RALGPS2: variants seen among roughly 807,000 people sequenced by gnomAD.
RALGPS2 encodes the protein ras-specific guanine nucleotide-releasing factor RalGPS2.
RALGPS2 carries 43 observed loss-of-function variants against 86.8 expected under a neutral mutation model. That is an observed-to-expected ratio of 0.50 (90% CI 0.39 to 0.64). The LOEUF (loss-of-function observed/expected upper bound fraction) is 0.64, where lower values mean the gene tolerates loss of function less well. Among genes scored for constraint, RALGPS2 ranks in the 30% least tolerant of loss-of-function variants. The probability of loss-of-function intolerance (pLI) is 0.00; values close to 1 mark genes in which losing one functional copy is unlikely to be tolerated. For missense variants in RALGPS2, 536 were observed against 694.6 expected (o/e 0.77, Z 2.57); for synonymous variants, 243 against 231.3 (o/e 1.05, Z -0.46).
At chr1:178,890,548 G>A (rs1220862444) in intron 14 of RALGPS2, among the ~76,000 whole-genome samples, 3 of 151,848 alleles carry the variant, frequency 2.0e-5, no homozygotes, top group Admixed American at 6.6e-5. Context: ...TTGAAAATGT[G>A]TAATTGCATA....
At chr1:178,797,524 A>G (rs75619643) in intron 4 of RALGPS2, among the ~76,000 whole-genome samples, 3,774 of 152,180 alleles carry the variant, frequency 0.025, 151 homozygotes, top group African/African-American at 0.086. Context: ...TTATTTTGAC[A>G]TAATAGATTC....
At position 178,809,074 on chromosome 1, in the gene RALGPS2, T is replaced by G. The variant is rs1654865151; in HGVS notation, c.297+946T>G. Among the ~76,000 whole-genome samples the G allele has an allele frequency of 2.0e-5, 3 of 152,150 alleles. No homozygotes were observed. In the South Asian group the frequency reaches 6.2e-4, roughly 32 times the overall value. On this transcript the variant is annotated intron_variant, in intron 5 of 19. Transcript: ENST00000367635. ...TATGTTGCCCAAGCTGGTCTCGAACTCCTGGCCTCAAGCGATCCTCCTGCC... is the reference window on the plus strand; with the variant it reads ...TATGTTGCCCAAGCTGGTCTCGAACGCCTGGCCTCAAGCGATCCTCCTGCC...
At chr1:178,841,690 A>T (rs1420302492) in intron 8 of RALGPS2, among the ~76,000 whole-genome samples, 12 of 80,656 alleles carry the variant, frequency 1.5e-4, no homozygotes, top group African/African-American at 6.3e-4. Context: ...GTATTCAATT[A>T]GGAAAAGAGG....
chr1:178,845,302 C>T (rs1234485422), intron 8 of RALGPS2, among the ~76,000 whole-genome samples: 1 of 152,016 alleles, frequency 6.6e-6, no homozygotes, highest in East Asian at 1.9e-4. Context: ...GACTTCTTCC[C>T]CTTCCCCATT....
intron 1 of RALGPS2, among the ~76,000 whole-genome samples, chr1:178,765,106 A>G (rs1305520744): frequency 6.6e-6 from 1 of 151,576 alleles, no homozygotes; most frequent in African/African-American, 2.4e-5. Context: ...AGCCTGTACA[A>G]CCAGAGCCGA....
chr1:178,891,792 CT>C (rs1369505370), intron 14 of RALGPS2, among the ~76,000 whole-genome samples: 3 of 151,906 alleles, frequency 2.0e-5, no homozygotes, highest in African/African-American at 7.2e-5. Flanking sequence ...AGCCACATTG[CT>C]TTTAGGTGTC....
chr1:178,743,315 T>A (rs991016167), intron 1 of RALGPS2, among the ~76,000 whole-genome samples: 1 of 152,122 alleles, frequency 6.6e-6, no homozygotes, highest in Non-Finnish European at 1.5e-5. Context: ...AGATCTCAAA[T>A]CATTCACTTC....
At chr1:178,892,380 C>A in intron 15 of RALGPS2, 73 bp downstream of exon 15, 3 of 1,238,452 alleles carry the variant, frequency 2.4e-6, no homozygotes, top group South Asian at 1.4e-5. Flanking sequence ...TGGGTGTGGT[C>A]TGACGTTATT....
At chr1:178,742,420 A>G (rs776838336) in intron 1 of RALGPS2, among the ~76,000 whole-genome samples, 2 of 152,174 alleles carry the variant, frequency 1.3e-5, no homozygotes, top group Non-Finnish European at 2.9e-5. Flanking sequence ...ATAGTTCTAA[A>G]CATTTATGCC....
At chr1:178,810,882 A>G (rs1246181331) in intron 5 of RALGPS2, among the ~76,000 whole-genome samples, 2 of 152,108 alleles carry the variant, frequency 1.3e-5, no homozygotes, top group Non-Finnish European at 2.9e-5. Context: ...AAAGTGTATT[A>G]CATGGACATA....
intron 8 of RALGPS2, among the ~76,000 whole-genome samples, chr1:178,839,272 G>A (rs1248587636): frequency 2.6e-5 from 4 of 152,178 alleles, no homozygotes; most frequent in Non-Finnish European, 5.9e-5. Flanking sequence ...GAAAGGTCAG[G>A]TTACCCTCAA....
At chr1:178,768,594 T>C (rs1305159005) in intron 1 of RALGPS2, among the ~76,000 whole-genome samples, 3 of 152,212 alleles carry the variant, frequency 2.0e-5, no homozygotes, top group Non-Finnish European at 4.4e-5. Context: ...TACTGGGAGA[T>C]GCTCTCTGTT....
chr1:178,822,795 A>G (rs1468532287), intron 7 of RALGPS2, among the ~76,000 whole-genome samples: 2 of 152,150 alleles, frequency 1.3e-5, no homozygotes, highest in South Asian at 2.1e-4. Context: ...GTTATGAATT[A>G]TATCTTTAAA....
intron 8 of RALGPS2, among the ~76,000 whole-genome samples, chr1:178,861,747 A>G (rs971058910): frequency 1.3e-5 from 2 of 152,228 alleles, no homozygotes; most frequent in Non-Finnish European, 2.9e-5. Flanking sequence ...AAAAGCTTAC[A>G]TAAAACAAAA....
chr1:178,797,451 C>T (rs897738815), intron 4 of RALGPS2, among the ~76,000 whole-genome samples: 7 of 151,890 alleles, frequency 4.6e-5, no homozygotes, highest in Admixed American at 2.0e-4. Flanking sequence ...TTGGGAGTCC[C>T]GGTGCAATTT....
At chr1:178,791,063 G>A (rs1653927477) in intron 4 of RALGPS2, among the ~76,000 whole-genome samples, 1 of 152,014 alleles carries the variant, frequency 6.6e-6, no homozygotes, top group Admixed American at 6.6e-5. Context: ...ATATATAATT[G>A]TATATTAAAA....
chr1:178,863,006 T>C (rs991902733), intron 8 of RALGPS2, among the ~76,000 whole-genome samples: 14 of 152,204 alleles, frequency 9.2e-5, no homozygotes, highest in African/African-American at 3.4e-4. Flanking sequence ...CACTCTTCAA[T>C]TGTTAAATCT....
At chr1:178,750,799 ATTG>A (rs548718639) in intron 1 of RALGPS2, among the ~76,000 whole-genome samples, 270 of 152,324 alleles carry the variant, frequency 1.8e-3, no homozygotes, top group Non-Finnish European at 3.2e-3. Context: ...AAATAAAAGT[ATTG>A]TGGTACATTT....
chr1:178,765,757 C>A (rs1652474043), intron 1 of RALGPS2, among the ~76,000 whole-genome samples: 1 of 152,112 alleles, frequency 6.6e-6, no homozygotes, highest in African/African-American at 2.4e-5. Context: ...CAGAGATCTC[C>A]CTTTGGTAAT....
Sources: allele counts gnomAD v4.1 joint callset (sites outside exome capture counted in the v4.1 genomes callset), GRCh38; gene constraint gnomAD v4.1.1; transcripts MANE v1.5; gene names NCBI Gene and HGNC (gene_info 2026-07-23, HGNC 2026-07-21).